PATJ: variants seen among roughly 807,000 people sequenced by gnomAD.
PATJ encodes the protein PATJ crumbs cell polarity complex component.
Under a neutral mutation model 224.9 loss-of-function variants are expected in PATJ, and 190 were observed. That is an observed-to-expected ratio of 0.84 (90% CI 0.75 to 0.95). PATJ has a LOEUF of 0.95. Among genes scored for constraint, PATJ ranks in the 40% least tolerant of loss-of-function variants. The pLI, the probability that PATJ is intolerant of heterozygous loss-of-function variation, is 0.00. For missense variants in PATJ, 2,121 were observed against 2,270.3 expected (o/e 0.93, Z 1.34); for synonymous variants, 769 against 820.3 (o/e 0.94, Z 1.07).
intron 29 of PATJ, among the ~76,000 whole-genome samples, chr1:62,029,036 C>G (rs1274192603): frequency 6.6e-6 from 1 of 151,500 alleles, no homozygotes; most frequent in Non-Finnish European, 1.5e-5. Context: ...CTGTCCTATT[C>G]CATTGGTTAA....
intron 1 of PATJ, among the ~76,000 whole-genome samples, chr1:61,746,260 G>C (rs1357777184): frequency 6.6e-6 from 1 of 152,162 alleles, no homozygotes; most frequent in African/African-American, 2.4e-5. Context: ...AAAATTTTTA[G>C]TAGAGACTGT....
chr1:61,894,266 A>ACAAAC (rs1557835179), intron 22 of PATJ, among the ~76,000 whole-genome samples: 1 of 140,676 alleles, frequency 7.1e-6, no homozygotes, highest in African/African-American at 2.5e-5. Flanking sequence ...TAAAAAAAAA[A>ACAAAC]AAACACAAAA....
At chr1:61,985,284 C>T (rs146222375) in intron 27 of PATJ, among the ~76,000 whole-genome samples, 1,639 of 151,556 alleles carry the variant, frequency 0.011, 20 homozygotes, top group Middle Eastern at 0.041. Flanking sequence ...TGTACTCCAG[C>T]CTGGCGACAG....
intron 24 of PATJ, among the ~76,000 whole-genome samples, 171 bp from the exon 25 acceptor site, chr1:61,908,201 T>C (rs1216127613): frequency 1.3e-5 from 2 of 152,238 alleles, no homozygotes; most frequent in East Asian, 1.9e-4. Flanking sequence ...TCCTTGAACA[T>C]GTTCTTCTAA....
intron 1 of PATJ, among the ~76,000 whole-genome samples, chr1:61,749,235 T>A (rs1645192382): frequency 6.6e-6 from 1 of 151,742 alleles, no homozygotes; most frequent in South Asian, 2.1e-4. Context: ...CTCGAACTCC[T>A]GACCTCGTGA....
At chr1:61,852,162 C>T (rs940903485) in intron 17 of PATJ, among the ~76,000 whole-genome samples, 7 of 142,576 alleles carry the variant, frequency 4.9e-5, no homozygotes, top group African/African-American at 1.8e-4. Flanking sequence ...GTACAACTTT[C>T]AGAAATAAAT....
intron 31 of PATJ, among the ~76,000 whole-genome samples, chr1:62,073,573 CA>C (rs1222226150): frequency 6.6e-6 from 1 of 152,134 alleles, no homozygotes; most frequent in Non-Finnish European, 1.5e-5. Context: ...GCAGAGGTTA[CA>C]ATGAGCCAAG....
At chr1:61,952,191 T>G (rs1014168752) in intron 27 of PATJ, 1 of 488,494 alleles carries the variant, frequency 2.0e-6, no homozygotes, top group Middle Eastern at 5.5e-4. Flanking sequence ...TGAAATTAGC[T>G]TAATTGATTG....
chr1:62,104,538 G>C (rs1371931882), intron 33 of PATJ, among the ~76,000 whole-genome samples: 1 of 152,106 alleles, frequency 6.6e-6, no homozygotes, highest in Non-Finnish European at 1.5e-5. Flanking sequence ...AATAAGAAAT[G>C]TGGCCTTTTT....
chr1:62,095,961 A>G (rs1449305368), intron 33 of PATJ, among the ~76,000 whole-genome samples: 2 of 152,182 alleles, frequency 1.3e-5, no homozygotes, highest in African/African-American at 4.8e-5. Flanking sequence ...TCATGCCTGA[A>G]CACAGCTTAT....
intron 42 of PATJ, among the ~76,000 whole-genome samples, chr1:62,152,366 A>G (rs1469036462): frequency 1.3e-5 from 2 of 152,096 alleles, no homozygotes; most frequent in African/African-American, 4.8e-5. Flanking sequence ...GCAGAAAAGG[A>G]GCAGCAGTCT....
chr1:61,787,964 C>T lies in PATJ; in HGVS notation c.1060C>T (p.Pro354Ser), dbSNP rs1239232941. Residue 354 changes from proline to serine, a missense_variant, in exon 8 of 44, where the codon CCT becomes TCT. Coordinates refer to ENST00000642238, the MANE Select transcript of PATJ (RefSeq NM_001350145.3). The part of the protein sequence containing the change: ...VALPTVASKG[P>S]GSDSSLFETY... ...CCTGCCTACTGTAGCCAGCAAGGGCCCTGGTTCTGTGAGTATACATATCAT... is the reference window on the plus strand; with the variant it reads ...CCTGCCTACTGTAGCCAGCAAGGGCTCTGGTTCTGTGAGTATACATATCAT... 3 of 1,612,046 alleles carry T rather than the reference C, an allele frequency of 1.9e-6. No homozygotes were observed. The highest frequency in any genetic ancestry group is 2.7e-5 in the African/African-American group (2 of 74,858).
intron 27 of PATJ, among the ~76,000 whole-genome samples, chr1:61,939,713 C>T (rs1215522602): frequency 5.4e-5 from 5 of 92,570 alleles, no homozygotes; most frequent in South Asian, 3.7e-4. Context: ...GAGACGTTGT[C>T]GCCCATGCTG....
At position 61,849,309 on chromosome 1, in the gene PATJ, A is replaced by G. The variant is rs551723719; in HGVS notation, c.2113-6721A>G. Among the ~76,000 whole-genome samples, 45 of 152,294 alleles carry G rather than the reference A, an allele frequency of 3.0e-4. No individual in the cohort carries two copies. In the South Asian group the frequency reaches 6.8e-3, roughly 23 times the overall value. ...AATAACATACCATTAAGACTATATA[A>G]ATTAGGTCAGGCATAGTGGCTCATG... On this transcript the variant is annotated intron_variant, in intron 17 of 43. Coordinates refer to ENST00000642238, the MANE Select transcript of PATJ (RefSeq NM_001350145.3).
chr1:62,087,569 A>G (rs1322717211), intron 33 of PATJ, among the ~76,000 whole-genome samples: 6 of 151,766 alleles, frequency 4.0e-5, no homozygotes, highest in African/African-American at 1.2e-4. Context: ...TCTGCCTAGA[A>G]TTTCTCTGCC....
At position 61,826,216 on chromosome 1, in the gene PATJ, A is replaced by ATAT. The variant is rs1353271928; in HGVS notation, c.1819-1206_1819-1205insTAT. 6.6e-5 allele frequency among the ~76,000 whole-genome samples: 10 copies of ATAT among 152,260 alleles called. 1 individual carries two copies. The highest frequency in any genetic ancestry group is 2.4e-4 in the African/African-American group (10 of 41,550). ...GTGCTTGATATGTTACAGGCTTGAG[A>ATAT]GTGGTTCCCAGGAATAGTGGACCTG... On this transcript the variant is annotated intron_variant, in intron 15 of 43. Coordinates refer to ENST00000642238, the MANE Select transcript of PATJ (RefSeq NM_001350145.3).
At chr1:61,777,514 CAG>C (rs949575557) in intron 7 of PATJ, among the ~76,000 whole-genome samples, 20 of 151,800 alleles carry the variant, frequency 1.3e-4, no homozygotes, top group Admixed American at 2.6e-4. Flanking sequence ...GCCTGGGCGA[CAG>C]AGTAAGACCC....
intron 20 of PATJ, among the ~76,000 whole-genome samples, chr1:61,867,939 G>A (rs1468306785): frequency 6.6e-6 from 1 of 152,160 alleles, no homozygotes; most frequent in Non-Finnish European, 1.5e-5. Flanking sequence ...TCTAGAGGGT[G>A]CCCTCCCAAA....
intron 34 of PATJ, among the ~76,000 whole-genome samples, chr1:62,111,027 T>C (rs1461959205): frequency 1.3e-5 from 2 of 152,262 alleles, no homozygotes; most frequent in African/African-American, 4.8e-5. Flanking sequence ...CTCCTGATTC[T>C]CAGAGGAGCA....
Sources: allele counts gnomAD v4.1 joint callset (sites outside exome capture counted in the v4.1 genomes callset), GRCh38; gene constraint gnomAD v4.1.1; transcripts MANE v1.5; gene names NCBI Gene and HGNC (gene_info 2026-07-23, HGNC 2026-07-21).